The following UBE2E2 variants were observed in gnomAD, a reference collection of about 807,000 sequenced individuals.
UBE2E2 encodes ubiquitin conjugating enzyme E2 E2.
UBE2E2 carries 6 observed loss-of-function variants against 24.7 expected under a neutral mutation model. The observed-to-expected ratio is 0.24, with a 90% CI of 0.13 to 0.48. The LOEUF is 0.48. UBE2E2 is among the 20% of genes least tolerant of loss of function. The pLI, the probability that UBE2E2 is intolerant of heterozygous loss-of-function variation, is 0.99. For missense variants in UBE2E2, 169 were observed against 245.0 expected (o/e 0.69, Z 2.07); for synonymous variants, 104 against 83.6 (o/e 1.24, Z -1.33).
At chr3:23,456,771 G>A (rs1206013129) in intron 3 of UBE2E2, among the ~76,000 whole-genome samples, 3 of 152,200 alleles carry the variant, frequency 2.0e-5, no homozygotes, top group South Asian at 2.1e-4. Context: ...AGGATTTTTG[G>A]ATTAGTAAGT....
chr3:23,553,334 G>A (rs1414791037), intron 5 of UBE2E2, among the ~76,000 whole-genome samples: 1 of 151,824 alleles, frequency 6.6e-6, no homozygotes, highest in Non-Finnish European at 1.5e-5. Context: ...TAATTTCAAA[G>A]AAGCATAACT....
intron 5 of UBE2E2, among the ~76,000 whole-genome samples, chr3:23,563,046 G>A (rs1695974483): frequency 6.6e-6 from 1 of 151,980 alleles, no homozygotes; most frequent in African/African-American, 2.4e-5. Flanking sequence ...ATTTTTTGAA[G>A]GGTTTTTTGT....
At chr3:23,559,542 A>C (rs1172791105) in intron 5 of UBE2E2, among the ~76,000 whole-genome samples, 3 of 152,210 alleles carry the variant, frequency 2.0e-5, no homozygotes, top group Non-Finnish European at 4.4e-5. Context: ...CCAGAAATAA[A>C]AGATAGTCAT....
chr3:23,572,756 G>C (rs1300353313), intron 5 of UBE2E2, among the ~76,000 whole-genome samples: 2 of 152,190 alleles, frequency 1.3e-5, no homozygotes, highest in Non-Finnish European at 2.9e-5. Context: ...TGCTGTATAT[G>C]TACCACATTT....
chr3:23,458,073 G>A (rs78669056), intron 3 of UBE2E2, among the ~76,000 whole-genome samples: 4,482 of 152,158 alleles, frequency 0.029, 124 homozygotes, highest in East Asian at 0.14. Flanking sequence ...TGCACAAGAG[G>A]TCTAGTTTTC....
At chr3:23,321,192 TCA>T (rs1474068485) in intron 3 of UBE2E2, among the ~76,000 whole-genome samples, 1 of 152,228 alleles carries the variant, frequency 6.6e-6, no homozygotes, top group African/African-American at 2.4e-5. Flanking sequence ...TACAAGGATA[TCA>T]GTCATACTGG....
intron 3 of UBE2E2, among the ~76,000 whole-genome samples, chr3:23,227,375 G>A (rs1696855530): frequency 1.3e-5 from 2 of 152,026 alleles, no homozygotes; most frequent in Admixed American, 6.6e-5. Context: ...GAGTCTTTTC[G>A]AGGGAGGCAT....
chr3:23,382,213 G>C (rs1389021918), intron 3 of UBE2E2, among the ~76,000 whole-genome samples: 3 of 115,772 alleles, frequency 2.6e-5, no homozygotes, highest in Admixed American at 2.6e-4. Flanking sequence ...ACGAAGTCTC[G>C]CTCTGTAGCC....
chr3:23,567,085 G>T (rs1174270046), intron 5 of UBE2E2, among the ~76,000 whole-genome samples: 1 of 152,174 alleles, frequency 6.6e-6, no homozygotes, highest in Admixed American at 6.5e-5. Context: ...ATATTATTTA[G>T]TCATTTCATG....
At chr3:23,476,719 T>G (rs192235732) in intron 3 of UBE2E2, among the ~76,000 whole-genome samples, 3 of 152,270 alleles carry the variant, frequency 2.0e-5, no homozygotes, top group African/African-American at 4.8e-5. Flanking sequence ...AAAAATTAAT[T>G]TACTCAATCT....
chr3:23,322,295 G>A (rs1694761337), intron 3 of UBE2E2, among the ~76,000 whole-genome samples: 1 of 152,126 alleles, frequency 6.6e-6, no homozygotes, highest in Admixed American at 6.6e-5. Flanking sequence ...TTAGTTGAAA[G>A]GGTCGGTAGG....
At chr3:23,302,844 A>T (rs961009075) in intron 3 of UBE2E2, among the ~76,000 whole-genome samples, 3 of 152,210 alleles carry the variant, frequency 2.0e-5, no homozygotes, top group African/African-American at 7.2e-5. Flanking sequence ...TTTGTGGGCT[A>T]TAGACTGCTG....
At chr3:23,304,977 C>T (rs1333078127) in intron 3 of UBE2E2, among the ~76,000 whole-genome samples, 2 of 152,058 alleles carry the variant, frequency 1.3e-5, no homozygotes, top group Non-Finnish European at 2.9e-5. Context: ...AAAGATTATG[C>T]AGACTTTCCA....
chr3:23,355,256 C>T (rs1054980656), intron 3 of UBE2E2, among the ~76,000 whole-genome samples: 1 of 151,344 alleles, frequency 6.6e-6, no homozygotes, highest in Non-Finnish European at 1.5e-5. Context: ...GGAGGGATAG[C>T]ATTAGGAGAT....
intron 3 of UBE2E2, among the ~76,000 whole-genome samples, chr3:23,361,782 A>G (rs975201269): frequency 7.1e-6 from 1 of 140,414 alleles, no homozygotes; most frequent in Admixed American, 6.8e-5. Context: ...CCATGTAACC[A>G]AAAACTACTT....
At chr3:23,481,516 T>TAA (rs1699259238) in intron 3 of UBE2E2, among the ~76,000 whole-genome samples, 1 of 152,266 alleles carries the variant, frequency 6.6e-6, no homozygotes, top group Non-Finnish European at 1.5e-5. Flanking sequence ...TTAGCCTTTT[T>TAA]AATGCTTAGT....
chr3:23,284,374 T>C (rs1285825681), intron 3 of UBE2E2, among the ~76,000 whole-genome samples: 1 of 152,170 alleles, frequency 6.6e-6, no homozygotes, highest in Non-Finnish European at 1.5e-5. Context: ...TGGACAGTTA[T>C]CATGAGAGTT....
chr3:23,297,813 A>G (rs1329513566), intron 3 of UBE2E2, among the ~76,000 whole-genome samples: 3 of 152,208 alleles, frequency 2.0e-5, no homozygotes, highest in South Asian at 4.2e-4. Context: ...GTTTTTTCCA[A>G]TTCTGTGAAA....
chr3:23,403,760 G>T (rs1451396128), intron 3 of UBE2E2, among the ~76,000 whole-genome samples: 2 of 149,354 alleles, frequency 1.3e-5, no homozygotes, highest in Admixed American at 6.7e-5. Flanking sequence ...GGAGGTGGAG[G>T]TTGCAGTGAG....
Sources: gnomAD v4.1 joint callset for allele counts (sites outside exome capture counted in the v4.1 genomes callset) on GRCh38, gnomAD v4.1.1 for gene constraint, MANE v1.5 for transcripts, NCBI Gene and HGNC (gene_info 2026-07-23, HGNC 2026-07-21) for gene names.